The following HS6ST3 variants were observed in gnomAD, a reference collection of about 807,000 sequenced individuals.
HS6ST3 encodes heparan-sulfate 6-O-sulfotransferase 3.
A neutral mutation model predicts 36.7 loss-of-function variants in HS6ST3; 12 were observed. That is an observed-to-expected ratio of 0.33 (90% CI 0.21 to 0.53). The LOEUF is 0.53. Ranked by LOEUF, HS6ST3 falls within the 20% of genes least tolerant of loss-of-function variation. The pLI is 0.95. For missense variants in HS6ST3, 584 were observed against 640.9 expected (o/e 0.91, Z 0.96); for synonymous variants, 240 against 257.5 (o/e 0.93, Z 0.65).
chr13:96,165,463 T>C (rs547548532), intron 1 of HS6ST3, among the ~76,000 whole-genome samples: 3 of 152,334 alleles, frequency 2.0e-5, no homozygotes, highest in Admixed American at 2.0e-4. Context: ...TCTTTTGCAG[T>C]GCCAAATCCA....
At chr13:96,554,944 G>A (rs1051495043) in intron 1 of HS6ST3, among the ~76,000 whole-genome samples, 7 of 151,998 alleles carry the variant, frequency 4.6e-5, no homozygotes, top group Non-Finnish European at 7.4e-5. Context: ...ATCTGGGTGT[G>A]TGTTGTACAC....
chr13:96,560,568 AAAG>A (rs1334022899), intron 1 of HS6ST3, among the ~76,000 whole-genome samples: 6 of 152,320 alleles, frequency 3.9e-5, no homozygotes, highest in Non-Finnish European at 8.8e-5. Context: ...CCAAATAGGA[AAAG>A]AAGAAGTCAA....
At chr13:96,143,107 T>C (rs1282925724) in intron 1 of HS6ST3, among the ~76,000 whole-genome samples, 3 of 152,118 alleles carry the variant, frequency 2.0e-5, no homozygotes, top group Non-Finnish European at 4.4e-5. Flanking sequence ...AATCAGCAAG[T>C]GTTTTTCACT....
chr13:96,765,879 T>A (rs536213583), intron 1 of HS6ST3, among the ~76,000 whole-genome samples: 3 of 152,068 alleles, frequency 2.0e-5, no homozygotes, highest in Non-Finnish European at 4.4e-5. Flanking sequence ...TTACCTGAGA[T>A]GTAGAAATGA....
chr13:96,263,199 C>CT (rs1414089106), intron 1 of HS6ST3, among the ~76,000 whole-genome samples: 1 of 152,102 alleles, frequency 6.6e-6, no homozygotes, highest in Non-Finnish European at 1.5e-5. Context: ...TTGGCTAATA[C>CT]TATGGTGACA....
rs1465638203 is a variant in HS6ST3 at position 96,833,856 on chromosome 13, T to C, written c.*658T>C. On this transcript the variant is annotated 3_prime_UTR_variant, in exon 2 of 2. Coordinates refer to ENST00000376705, the MANE Select transcript of HS6ST3 (RefSeq NM_153456.4). Reference sequence around the variant, plus strand: ...ACACCATAACCTTAAGCCATGCCTTTCCTTCCATCTTTTAGGGAACGGGGA... The same window carrying C: ...ACACCATAACCTTAAGCCATGCCTTCCCTTCCATCTTTTAGGGAACGGGGA... 1 of 152,252 alleles carries C rather than the reference T, an allele frequency of 6.6e-6. No homozygotes were observed. Among genetic ancestry groups the C allele is most frequent in the Non-Finnish European group, 1.5e-5 (1 of 68,044 alleles). 9.4% of individuals were successfully genotyped at this position (152,252 alleles called of 1,614,324 possible). A position where few individuals can be genotyped will look rare whatever the true frequency, so the allele number is the denominator to read the frequency against.
Position 96,838,285 on chromosome 13 carries a change from T to G in HS6ST3, c.*5087T>G, listed in dbSNP as rs1382091954. 1 of 152,044 alleles carries G rather than the reference T, an allele frequency of 6.6e-6. No individual in the cohort carries two copies. The highest frequency in any genetic ancestry group is 6.5e-5 in the Admixed American group (1 of 15,280). 9.4% of individuals were successfully genotyped at this position (152,044 alleles called of 1,614,324 possible). Reference sequence around the variant, plus strand: ...CTGGAAACATATGGACTATAATTATTTTAGCTATTTAAAAGAAATGAATGA... The same window carrying G: ...CTGGAAACATATGGACTATAATTATGTTAGCTATTTAAAAGAAATGAATGA... On this transcript the variant is annotated 3_prime_UTR_variant, in exon 2 of 2. Coordinates refer to ENST00000376705, the MANE Select transcript of HS6ST3 (RefSeq NM_153456.4).
At chr13:96,794,126 A>G (rs970616215) in intron 1 of HS6ST3, among the ~76,000 whole-genome samples, 1 of 152,172 alleles carries the variant, frequency 6.6e-6, no homozygotes, top group South Asian at 2.1e-4. Flanking sequence ...TCCATTTGTG[A>G]GAACTTTTGT....
intron 1 of HS6ST3, among the ~76,000 whole-genome samples, chr13:96,165,538 A>C (rs1278801739): frequency 1.3e-5 from 2 of 152,234 alleles, no homozygotes; most frequent in East Asian, 3.8e-4. Flanking sequence ...CTAAAATCTT[A>C]GTGGCTTGCA....
At chr13:96,571,603 C>G (rs2056301334) in intron 1 of HS6ST3, among the ~76,000 whole-genome samples, 2 of 152,136 alleles carry the variant, frequency 1.3e-5, no homozygotes, top group South Asian at 4.2e-4. Context: ...GGAGTCTCTG[C>G]TATTCTTGCC....
chr13:96,147,023 G>T (rs1007324592), intron 1 of HS6ST3, among the ~76,000 whole-genome samples: 2 of 152,184 alleles, frequency 1.3e-5, no homozygotes, highest in East Asian at 3.9e-4. Context: ...GAAAGATGAA[G>T]AAAAGTCAGC....
At chr13:96,515,828 C>A (rs370207858) in intron 1 of HS6ST3, among the ~76,000 whole-genome samples, 6 of 152,112 alleles carry the variant, frequency 3.9e-5, no homozygotes, top group African/African-American at 1.4e-4. Context: ...TATAAATTAC[C>A]CAGCCTTAGG....
chr13:96,432,617 A>G (rs2055621129), intron 1 of HS6ST3, among the ~76,000 whole-genome samples: 1 of 152,214 alleles, frequency 6.6e-6, no homozygotes, highest in Non-Finnish European at 1.5e-5. Flanking sequence ...TAATGGAGCT[A>G]GAAAATAAAA....
intron 1 of HS6ST3, among the ~76,000 whole-genome samples, chr13:96,140,895 C>G (rs2054028946): frequency 6.6e-6 from 1 of 152,122 alleles, no homozygotes; most frequent in Non-Finnish European, 1.5e-5. Flanking sequence ...AATTTACTAT[C>G]AGCAAAGGAT....
intron 1 of HS6ST3, among the ~76,000 whole-genome samples, chr13:96,278,215 C>T (rs955928181): frequency 6.6e-6 from 1 of 152,126 alleles, no homozygotes; most frequent in African/African-American, 2.4e-5. Context: ...TTCTTGTACT[C>T]AAAATCCACA....
Position 96,838,194 on chromosome 13 carries a change from CAT to C in HS6ST3, c.*4997_*4998del, listed in dbSNP as rs749857716. The C allele has an allele frequency of 7.2e-5, 11 of 152,164 alleles. No homozygotes were observed. Among genetic ancestry groups the C allele is most frequent in the Non-Finnish European group, 1.2e-4 (8 of 68,038 alleles). The allele number at this position is 152,164 out of a possible 1,614,324, so 9.4% of individuals were successfully genotyped here. A position where few individuals can be genotyped will look rare whatever the true frequency, so the allele number is the denominator to read the frequency against. ...GAAAGGTAATGAATTAAATATATGA[CAT>C]GTAATACTGAAAAAATAGAAAAATG... On this transcript the variant is annotated 3_prime_UTR_variant, in exon 2 of 2. Coordinates refer to ENST00000376705, the MANE Select transcript of HS6ST3 (RefSeq NM_153456.4).
chr13:96,270,426 T>C (rs2139387980), intron 1 of HS6ST3, among the ~76,000 whole-genome samples: 1 of 152,172 alleles, frequency 6.6e-6, no homozygotes, highest in Admixed American at 6.5e-5. Flanking sequence ...TGATTTTTTC[T>C]AAGTTATCAT....
intron 1 of HS6ST3, among the ~76,000 whole-genome samples, chr13:96,381,683 G>A (rs1184470731): frequency 6.6e-6 from 1 of 152,168 alleles, no homozygotes; most frequent in East Asian, 1.9e-4. Flanking sequence ...AGCTCTGGAG[G>A]TCTGGATAGC....
At chr13:96,660,393 A>T (rs931535485) in intron 1 of HS6ST3, among the ~76,000 whole-genome samples, 1 of 152,188 alleles carries the variant, frequency 6.6e-6, no homozygotes. Context: ...ATGTAAAATC[A>T]TATTAGCCAA....
Sources: gnomAD v4.1 joint callset for allele counts (sites outside exome capture counted in the v4.1 genomes callset) on GRCh38, gnomAD v4.1.1 for gene constraint, MANE v1.5 for transcripts, NCBI Gene and HGNC (gene_info 2026-07-23, HGNC 2026-07-21) for gene names.